PDK1: variants seen among roughly 807,000 people sequenced by gnomAD.
The protein encoded by PDK1 is [Pyruvate dehydrogenase (acetyl-transferring)] kinase isozyme 1, mitochondrial.
Under a neutral mutation model 54.2 loss-of-function variants are expected in PDK1, and 39 were observed. The observed-to-expected ratio is 0.72, with a 90% CI of 0.56 to 0.94. The LOEUF (loss-of-function observed/expected upper bound fraction) is 0.94. Among genes scored for constraint, PDK1 ranks in the 40% least tolerant of loss-of-function variants. PDK1 has a pLI of 0.00. For missense variants in PDK1, 552 were observed against 566.0 expected (o/e 0.98, Z 0.25); for synonymous variants, 221 against 207.1 (o/e 1.07, Z -0.58).
the PDK1 span, among the ~76,000 whole-genome samples, chr2:172,623,723 A>C: frequency 2.0e-5 from 3 of 152,204 alleles, no homozygotes; most frequent in Non-Finnish European, 4.4e-5. Flanking sequence ...GACTGGAGTA[A>C]AACCATGTTG....
intron 7 of PDK1, among the ~76,000 whole-genome samples, chr2:172,569,058 T>C (rs1689113620): frequency 6.6e-6 from 1 of 152,206 alleles, no homozygotes; most frequent in South Asian, 2.1e-4. Context: ...TCTTAATATG[T>C]GTGTGACCTT....
chr2:172,574,172 A>G (rs987066059), intron 8 of PDK1, among the ~76,000 whole-genome samples: 1 of 152,218 alleles, frequency 6.6e-6, no homozygotes, highest in African/African-American at 2.4e-5. Context: ...TCCCAGTACT[A>G]TTTGTGAAAA....
chr2:172,587,974 C>T (rs1240421513), intron 9 of PDK1, among the ~76,000 whole-genome samples: 1 of 152,184 alleles, frequency 6.6e-6, no homozygotes, highest in Non-Finnish European at 1.5e-5. Flanking sequence ...GATCCTTTAG[C>T]TAGACAGAAA....
At chr2:172,649,729 A>G in the PDK1 span, among the ~76,000 whole-genome samples, 1 of 152,202 alleles carries the variant, frequency 6.6e-6, no homozygotes, top group African/African-American at 2.4e-5. Flanking sequence ...AGTGGAAGAA[A>G]GGGTATCAGT....
chr2:172,592,828 G>A (rs755193035), intron 9 of PDK1, 107 bp from the exon 10 acceptor site: 88 of 576,658 alleles, frequency 1.5e-4, no homozygotes, highest in Non-Finnish European at 2.5e-5. Context: ...GCATCTCTCA[G>A]ATGCGGGCTC....
In PDK1 at chr2:172,596,089, A is replaced by T; in HGVS notation, c.*120A>T. 1 of 837,990 alleles carries T rather than the reference A, an allele frequency of 1.2e-6. No individual in the cohort carries two copies. Among genetic ancestry groups the T allele is most frequent in the Non-Finnish European group, 1.8e-6 (1 of 559,492 alleles). 51.9% of individuals were successfully genotyped at this position (837,990 alleles called of 1,614,324 possible). A position where few individuals can be genotyped will look rare whatever the true frequency, so the allele number is the denominator to read the frequency against. On this transcript the variant is annotated 3_prime_UTR_variant, in exon 11 of 11. Coordinates refer to ENST00000282077, the MANE Select transcript of PDK1 (RefSeq NM_002610.5). ...ATCGTTTTCACAAAACTATTTGAGT[A>T]GAATAAATGGAAACTGAATTCCATT... is the stretch of plus-strand genomic sequence containing the variant.
chr2:172,622,560 T>TATGTTTATATCTCATATATTATGTGAG, the PDK1 span, among the ~76,000 whole-genome samples: 1,539 of 143,200 alleles, frequency 0.011, 20 homozygotes, highest in Admixed American at 0.026. Context: ...TCATGTGAGA[T>TATGTTTATATCTCATATATTATGTGAG]ATGTTTATAT....
chr2:172,614,513 T>G, the PDK1 span, among the ~76,000 whole-genome samples: 10 of 152,128 alleles, frequency 6.6e-5, 1 homozygote, highest in African/African-American at 2.4e-4. Context: ...GCGACCACCT[T>G]CAGAGAGAAA....
chr2:172,569,830 C>T (rs1689150223), intron 7 of PDK1, among the ~76,000 whole-genome samples: 1 of 152,186 alleles, frequency 6.6e-6, no homozygotes, highest in Non-Finnish European at 1.5e-5. Flanking sequence ...AACCACTGCA[C>T]CTAGCCCTAA....
At chr2:172,668,846 C>T in the PDK1 span, among the ~76,000 whole-genome samples, 486 of 145,316 alleles carry the variant, frequency 3.3e-3, 5 homozygotes, top group African/African-American at 0.011. Context: ...TGTATATACA[C>T]ACACACACAT....
chr2:172,715,709 A>G, the PDK1 span, among the ~76,000 whole-genome samples: 1 of 152,202 alleles, frequency 6.6e-6, no homozygotes, highest in Admixed American at 6.5e-5. Context: ...GTGAAAGTTT[A>G]TGTCCATAAG....
chr2:172,717,937 T>C, the PDK1 span, among the ~76,000 whole-genome samples: 1 of 152,192 alleles, frequency 6.6e-6, no homozygotes, highest in African/African-American at 2.4e-5. Context: ...AAGGAAACAT[T>C]ACAAAACATT....
At chr2:172,635,320 C>G in the PDK1 span, among the ~76,000 whole-genome samples, 110,814 of 152,034 alleles carry the variant, frequency 0.73, 40,588 homozygotes, top group Non-Finnish European at 0.77. Flanking sequence ...AACTTTTTTG[C>G]GGGGCGGAGG....
chr2:172,712,918 T>C, the PDK1 span, among the ~76,000 whole-genome samples: 1 of 152,216 alleles, frequency 6.6e-6, no homozygotes, highest in Non-Finnish European at 1.5e-5. Flanking sequence ...AGAGGTGCTT[T>C]ATTGAGCAGC....
the PDK1 span, among the ~76,000 whole-genome samples, chr2:172,646,743 T>TTTTTTTTTTTTTTTTTTTTTTTTTG: frequency 7.3e-6 from 1 of 137,224 alleles, no homozygotes. Flanking sequence ...TCCTTTTTTT[T>TTTTTTTTTTTTTTTTTTTTTTTTTG]TTTTTTTTTT....
At chr2:172,588,260 T>C (rs1448303278) in intron 9 of PDK1, among the ~76,000 whole-genome samples, 1 of 152,212 alleles carries the variant, frequency 6.6e-6, no homozygotes, top group Non-Finnish European at 1.5e-5. Flanking sequence ...AGCTGCTGTT[T>C]TTGTAGTAAA....
chr2:172,567,945 G>A (rs1345208066), intron 6 of PDK1, among the ~76,000 whole-genome samples: 1 of 152,228 alleles, frequency 6.6e-6, no homozygotes, highest in Non-Finnish European at 1.5e-5. Context: ...TCGAGAAATT[G>A]ATGCTAGCTC....
chr2:172,594,161 C>G (rs918279478), intron 10 of PDK1, among the ~76,000 whole-genome samples: 10 of 151,642 alleles, frequency 6.6e-5, no homozygotes, highest in African/African-American at 2.2e-4. Context: ...CCTCAGCCTT[C>G]CGAATAGCTG....
At chr2:172,565,788 T>C (rs927236214) in intron 5 of PDK1, among the ~76,000 whole-genome samples, 1 of 152,272 alleles carries the variant, frequency 6.6e-6, no homozygotes, top group African/African-American at 2.4e-5. Context: ...GGGTGCTCTA[T>C]GTTTTTTTCT....
Sources: allele counts gnomAD v4.1 joint callset (sites outside exome capture counted in the v4.1 genomes callset), GRCh38; gene constraint gnomAD v4.1.1; transcripts MANE v1.5; gene names NCBI Gene and HGNC (gene_info 2026-07-23, HGNC 2026-07-21).